The following GRK5 variants were observed in gnomAD, a reference collection of about 807,000 sequenced individuals.
GRK5 encodes the protein G protein-coupled receptor kinase 5.
Under a neutral mutation model 78.4 loss-of-function variants are expected in GRK5, and 40 were observed. The observed-to-expected ratio is 0.51, with a 90% CI of 0.40 to 0.66. The LOEUF is 0.66. Among genes scored for constraint, GRK5 ranks in the 30% least tolerant of loss-of-function variants. GRK5 has a pLI of 0.00. For synonymous variants in GRK5, 289 were observed against 296.8 expected, an observed-to-expected ratio of 0.97 and a Z score of 0.27; for missense variants, 598 against 759.9, an observed-to-expected ratio of 0.79 and a Z score of 2.50.
chr10:119,312,229 T>G (rs1850371506), intron 1 of GRK5, among the ~76,000 whole-genome samples: 2 of 152,220 alleles, frequency 1.3e-5, no homozygotes, highest in Admixed American at 1.3e-4. Flanking sequence ...ATTATTCACT[T>G]TAAAATGGTT....
chr10:119,315,179 G>A (rs1353525089), intron 1 of GRK5, among the ~76,000 whole-genome samples: 1 of 152,202 alleles, frequency 6.6e-6, no homozygotes, highest in Non-Finnish European at 1.5e-5. Context: ...CCAGGGGCCT[G>A]TCTCCCTTTC....
Position 119,414,598 on chromosome 10 carries a change from T to TA in GRK5, c.340-8567dup, listed in dbSNP as rs1852410126. 3.9e-5 allele frequency among the ~76,000 whole-genome samples: 6 copies of TA among 152,344 alleles called. No homozygotes were observed. The South Asian group carries it at 1.2e-3, about 32-fold the overall frequency. On this transcript the variant is annotated intron_variant, in intron 4 of 15. Coordinates refer to ENST00000392870, the MANE Select transcript of GRK5 (RefSeq NM_005308.3). ...GATAAGGTTCTCTGGCCAGATTCCC[T>TA]AGGTTTGAATCCTGTCTTTGCTCCC...
chr10:119,377,609 A>G (rs1851645563), intron 2 of GRK5, among the ~76,000 whole-genome samples: 1 of 152,164 alleles, frequency 6.6e-6, no homozygotes, highest in Non-Finnish European at 1.5e-5. Context: ...GAGGCTCGGA[A>G]CTGAGGTGCT....
chr10:119,310,856 A>T (rs1197746027), intron 1 of GRK5, among the ~76,000 whole-genome samples: 2 of 152,114 alleles, frequency 1.3e-5, no homozygotes, highest in African/African-American at 2.4e-5. Flanking sequence ...TGGTTCAGAG[A>T]GGTTGGGGAA....
chr10:119,297,147 G>T (rs1461030188), intron 1 of GRK5, among the ~76,000 whole-genome samples: 4 of 152,218 alleles, frequency 2.6e-5, no homozygotes, highest in Admixed American at 6.5e-5. Flanking sequence ...GGAGTTGTAT[G>T]GGCCCAGACC....
At chr10:119,418,625 G>C (rs548313648) in intron 4 of GRK5, among the ~76,000 whole-genome samples, 11 of 152,354 alleles carry the variant, frequency 7.2e-5, no homozygotes, top group African/African-American at 2.6e-4. Flanking sequence ...TGTAGCTTCA[G>C]CTGTGCAAGG....
At chr10:119,317,057 C>T (rs564621482) in intron 1 of GRK5, among the ~76,000 whole-genome samples, 1 of 152,194 alleles carries the variant, frequency 6.6e-6, no homozygotes, top group African/African-American at 2.4e-5. Context: ...TTAGAGACTA[C>T]CTCTCAGGAA....
In GRK5 at chr10:119,210,215, A is replaced by G. The variant is rs1179967056; in HGVS notation, c.52+2246A>G. ...GGTCGTCATCTCATGGTGAGAAAAT[A>G]GCTCTTGATGATGCCTTGGAAATGG... On this transcript the variant is annotated intron_variant, in intron 1 of 15. Coordinates refer to ENST00000392870, the MANE Select transcript of GRK5 (RefSeq NM_005308.3). Among the ~76,000 whole-genome samples the G allele has an allele frequency of 2.0e-5, 3 of 152,310 alleles. No homozygotes were observed. In the East Asian group the frequency reaches 5.8e-4, roughly 29 times the overall value.
intron 4 of GRK5, among the ~76,000 whole-genome samples, chr10:119,398,086 C>T (rs1852086802): frequency 6.6e-6 from 1 of 152,230 alleles, no homozygotes; most frequent in African/African-American, 2.4e-5. Flanking sequence ...ACAGCTGCCC[C>T]CACCTTGGGG....
intron 1 of GRK5, among the ~76,000 whole-genome samples, chr10:119,300,886 T>C (rs1033414434): frequency 3.9e-5 from 6 of 152,082 alleles, no homozygotes; most frequent in African/African-American, 1.2e-4. Context: ...GGTCAGGAGT[T>C]TGAGACCAGC....
intron 1 of GRK5, among the ~76,000 whole-genome samples, chr10:119,209,309 A>G (rs1238350920): frequency 1.3e-5 from 2 of 152,090 alleles, no homozygotes; most frequent in Non-Finnish European, 2.9e-5. Flanking sequence ...GCCAGTGGGC[A>G]AGAAGGTTTA....
chr10:119,279,023 G>A lies in GRK5; in HGVS notation c.53-47493G>A, dbSNP rs150557202. Among the ~76,000 whole-genome samples, 710 of 152,266 alleles carry A rather than the reference G, an allele frequency of 4.7e-3. 3 individuals are homozygous for A. The highest frequency in any genetic ancestry group is 0.016 in the African/African-American group (658 of 41,550). On this transcript the variant is annotated intron_variant, in intron 1 of 15. Coordinates refer to ENST00000392870, the MANE Select transcript of GRK5 (RefSeq NM_005308.3). ...CTCCCGAGTAGCTGGGATTACAGGCGTGTGCCACCATGCCAAGCTAATTTT... is the reference window on the plus strand; with the variant it reads ...CTCCCGAGTAGCTGGGATTACAGGCATGTGCCACCATGCCAAGCTAATTTT...
intron 9 of GRK5, among the ~76,000 whole-genome samples, chr10:119,439,399 C>G (rs1176642844): frequency 1.3e-5 from 2 of 152,256 alleles, no homozygotes; most frequent in Non-Finnish European, 2.9e-5. Context: ...CTTCCTGAGA[C>G]CTGCAGGGTC....
chr10:119,221,810 G>A (rs2133710418), intron 1 of GRK5, among the ~76,000 whole-genome samples: 1 of 152,258 alleles, frequency 6.6e-6, no homozygotes, highest in South Asian at 2.1e-4. Flanking sequence ...TGAGAAAGGA[G>A]CATGATACAT....
intron 1 of GRK5, among the ~76,000 whole-genome samples, chr10:119,295,888 C>A (rs1253088147): frequency 6.6e-6 from 1 of 152,056 alleles, no homozygotes; most frequent in Non-Finnish European, 1.5e-5. Context: ...TCTCACAAAT[C>A]ACCACTAAAG....
At chr10:119,395,261 C>G (rs1237846837) in intron 3 of GRK5, among the ~76,000 whole-genome samples, 3 of 152,318 alleles carry the variant, frequency 2.0e-5, no homozygotes, top group African/African-American at 7.2e-5. Context: ...GATCTTGGCT[C>G]TCCATTAGAA....
In GRK5 at chr10:119,431,553, C is replaced by G; in HGVS notation, c.738+26C>G. 6.2e-7 allele frequency: 1 copy of G among 1,605,596 alleles called. No homozygotes were observed. Among genetic ancestry groups the G allele is most frequent in the East Asian group, 2.2e-5 (1 of 44,498 alleles). On this transcript the variant is annotated intron_variant, in intron 8 of 15. Transcript: ENST00000392870. This position sits in a 1 kb window ranked among gnomAD's most constrained non-coding sequence, Gnocchi z 4.8. ...GTGAGTGAGCATCTGGGCCCAGTGA[C>G]CGGCTCGCCCTTCTGTGGACTGGGG...
chr10:119,413,808 G>A (rs925035331), intron 4 of GRK5, among the ~76,000 whole-genome samples: 2 of 152,116 alleles, frequency 1.3e-5, no homozygotes, highest in African/African-American at 4.8e-5. Flanking sequence ...CCTCTCTCAG[G>A]GGCCGTGACT....
Position 119,443,731 on chromosome 10 carries a change from G to C in GRK5, c.1245G>C (p.Glu415Asp), listed in dbSNP as rs1449223761. 1 of 1,602,736 alleles carries C rather than the reference G, an allele frequency of 6.2e-7. No individual in the cohort carries two copies. The highest frequency in any genetic ancestry group is 8.5e-7 in the Non-Finnish European group (1 of 1,171,318). The stretch of plus-strand genomic sequence containing the variant: ...TGTACTCCCACAAGTTCTCCGAGGA[G>C]GCCAAGTCCATCTGCAAGATGGTGA... ...EEVYSHKFSEEAKSICKMLLT... is the reference protein window; with the variant it reads ...EEVYSHKFSEDAKSICKMLLT... The change falls in exon 12 of 16, where the codon GAG becomes GAC. Residue 415 changes from glutamate to aspartate, a missense_variant. Coordinates refer to ENST00000392870, the MANE Select transcript of GRK5 (RefSeq NM_005308.3).
Sources: gnomAD v4.1 joint callset for allele counts (sites outside exome capture counted in the v4.1 genomes callset) on GRCh38, gnomAD v4.1.1 for gene constraint, Gnocchi (gnomAD v3.1) non-coding constraint, MANE v1.5 for transcripts, NCBI Gene and HGNC (gene_info 2026-07-23, HGNC 2026-07-21) for gene names.